Variants in GNAO1 observed in about 807,000 individuals in gnomAD.
GNAO1 encodes the protein G protein subunit alpha o1.
For missense variants in GNAO1, 166 were observed against 478.7 expected, an observed-to-expected ratio of 0.35 and a Z score of 6.10; for synonymous variants, 164 against 180.7, an observed-to-expected ratio of 0.91 and a Z score of 0.74.
chr16:56,253,348 C>T (rs1316619874), intron 2 of GNAO1, among the ~76,000 whole-genome samples: 1 of 152,192 alleles, frequency 6.6e-6, no homozygotes, highest in Non-Finnish European at 1.5e-5. Context: ...TGGGTTGGAG[C>T]CCCAGCCCGG....
intron 3 of GNAO1, among the ~76,000 whole-genome samples, chr16:56,320,144 G>A (rs1331906446): frequency 2.6e-5 from 4 of 152,278 alleles, no homozygotes; most frequent in African/African-American, 4.8e-5. Flanking sequence ...AAACCCATAA[G>A]AATGGCATCT....
intron 7 of GNAO1, chr16:56,352,642 C>T (rs531833329): frequency 6.6e-6 from 1 of 152,488 alleles, no homozygotes; most frequent in Non-Finnish European, 1.5e-5. Context: ...CTACATCCAG[C>T]ATAGGTCGAT....
chr16:56,221,361 G>A (rs983665863), intron 2 of GNAO1, among the ~76,000 whole-genome samples: 22 of 152,018 alleles, frequency 1.4e-4, no homozygotes, highest in African/African-American at 5.3e-4. Flanking sequence ...AGATGAAGAA[G>A]TCATGGGGCC....
At chr16:56,344,909 A>G in intron 6 of GNAO1, 1 of 985,312 alleles carries the variant, frequency 1.0e-6, no homozygotes, top group African/African-American at 1.7e-5. Context: ...TTTTGCAGCC[A>G]GTGCCTCCGC....
intron 3 of GNAO1, among the ~76,000 whole-genome samples, chr16:56,278,058 TACGTTAAGG>T (rs1160130758): frequency 3.3e-5 from 5 of 152,186 alleles, no homozygotes; most frequent in Non-Finnish European, 2.9e-5. Context: ...AGGACTATGA[TACGTTAAGG>T]ACTGTACTGC....
chr16:56,204,812 TC>T (rs2036311831), intron 2 of GNAO1, among the ~76,000 whole-genome samples: 2 of 152,186 alleles, frequency 1.3e-5, no homozygotes, highest in South Asian at 4.2e-4. Flanking sequence ...CCAGCTCTGT[TC>T]CTGTTTAGCT....
Position 56,248,510 on chromosome 16 carries a change from G to A in GNAO1, c.162-27421G>A, listed in dbSNP as rs141512767. 6.7e-3 allele frequency among the ~76,000 whole-genome samples: 1,017 copies of A among 152,258 alleles called. 13 individuals are homozygous for A. The highest frequency in any genetic ancestry group is 0.019 in the African/African-American group (798 of 41,528). Reference sequence around the variant, plus strand: ...ATGATAACAGCTGTGGGTGAGACAGGTCCTCAGCTTCCAGGATGGAAAGAG... The same window carrying A: ...ATGATAACAGCTGTGGGTGAGACAGATCCTCAGCTTCCAGGATGGAAAGAG... On this transcript the variant is annotated intron_variant, in intron 2 of 8. Coordinates refer to ENST00000262493, the MANE Select transcript of GNAO1 (RefSeq NM_020988.3).
In GNAO1 at chr16:56,354,359, AGTAATT is replaced by A. The variant is rs1567497500; in HGVS notation, c.878-505_878-500del. 1.6e-4 allele frequency among the ~76,000 whole-genome samples: 13 copies of A among 78,976 alleles called. No homozygotes were observed. The East Asian group carries it at 6.3e-3, about 38-fold the overall frequency. 51.8% of individuals were successfully genotyped at this position (78,976 alleles called of 152,430 possible). On this transcript the variant is annotated intron_variant, in intron 7 of 8. Coordinates refer to ENST00000262493, the MANE Select transcript of GNAO1 (RefSeq NM_020988.3). This position sits in a 1 kb window ranked among gnomAD's most constrained non-coding sequence, Gnocchi z 4.3. ...GTATGGTTGGTGCAAAAGTAATTGC[AGTAATT>A]GCAGTTTTGCTATCAAAAGTAATGG...
At chr16:56,330,350 C>T (rs1020759161) in intron 4 of GNAO1, among the ~76,000 whole-genome samples, 8 of 152,286 alleles carry the variant, frequency 5.3e-5, no homozygotes, top group East Asian at 1.9e-4. Flanking sequence ...GCCTCCTCCC[C>T]GAGGGCCAGC....
Position 56,321,224 on chromosome 16 carries a change from CCAAA to C in GNAO1, c.304-7395_304-7392del, listed in dbSNP as rs796901542. On this transcript the variant is annotated intron_variant, in intron 3 of 8. Transcript: ENST00000262493. ...GGGTACAAGTGCAAAAATAAACCAA[CCAAA>C]CAAACAAACAACATATCCTCCAATG... Among the ~76,000 whole-genome samples, 7 of 152,292 alleles carry C rather than the reference CCAAA, an allele frequency of 4.6e-5. No homozygotes were observed. In the South Asian group the frequency reaches 6.2e-4, roughly 14 times the overall value.
chr16:56,232,000 G>T (rs1436730243), intron 2 of GNAO1, among the ~76,000 whole-genome samples: 1 of 152,084 alleles, frequency 6.6e-6, no homozygotes, highest in Non-Finnish European at 1.5e-5. Flanking sequence ...GAGGAGGGGG[G>T]CCCAGACCAT....
At chr16:56,206,748 G>T (rs1252147456) in intron 2 of GNAO1, among the ~76,000 whole-genome samples, 1 of 152,162 alleles carries the variant, frequency 6.6e-6, no homozygotes, top group African/African-American at 2.4e-5. Context: ...ATTGCAGTAA[G>T]GCTTAACAGA....
intron 2 of GNAO1, 54 bp downstream of exon 2, chr16:56,192,670 C>G: frequency 1.8e-6 from 2 of 1,118,562 alleles, no homozygotes; most frequent in South Asian, 1.2e-5. Flanking sequence ...ATTTTTAAAT[C>G]GTTTTTATTA....
intron 6 of GNAO1, among the ~76,000 whole-genome samples, chr16:56,349,443 G>A (rs932400552): frequency 1.3e-5 from 2 of 152,176 alleles, no homozygotes; most frequent in African/African-American, 2.4e-5. Context: ...TGGACAGCCC[G>A]AGGCCCTGGA....
At chr16:56,239,910 G>A (rs2036677315) in intron 2 of GNAO1, among the ~76,000 whole-genome samples, 1 of 152,148 alleles carries the variant, frequency 6.6e-6, no homozygotes, top group Non-Finnish European at 1.5e-5. Flanking sequence ...TGGGGTAGGG[G>A]GTGCAGGTCT....
intron 3 of GNAO1, among the ~76,000 whole-genome samples, chr16:56,281,321 T>C (rs1347590092): frequency 6.6e-6 from 1 of 152,148 alleles, no homozygotes; most frequent in African/African-American, 2.4e-5. Context: ...CAGCTCCCCC[T>C]GCTGTTCTCA....
intron 3 of GNAO1, among the ~76,000 whole-genome samples, chr16:56,313,104 A>T (rs2037475916): frequency 6.6e-6 from 1 of 152,216 alleles, no homozygotes; most frequent in South Asian, 2.1e-4. Flanking sequence ...TTCACTTATC[A>T]TAGGGATATG....
intron 2 of GNAO1, among the ~76,000 whole-genome samples, chr16:56,242,223 G>A (rs574340013): frequency 4.6e-5 from 7 of 152,108 alleles, no homozygotes; most frequent in Non-Finnish European, 7.4e-5. Flanking sequence ...TGAAAAAAAT[G>A]TTAATATTTA....
chr16:56,262,741 C>G (rs766378911), intron 2 of GNAO1, among the ~76,000 whole-genome samples: 2 of 152,222 alleles, frequency 1.3e-5, no homozygotes, highest in Admixed American at 6.5e-5. Context: ...GATCTAGCAG[C>G]TGCCCTTATC....
Sources: allele counts gnomAD v4.1 joint callset (sites outside exome capture counted in the v4.1 genomes callset), GRCh38; gene constraint gnomAD v4.1.1; non-coding constraint Gnocchi (gnomAD v3.1); transcripts MANE v1.5; gene names NCBI Gene and HGNC (gene_info 2026-07-23, HGNC 2026-07-21).